Variants in NAV1 observed in about 807,000 individuals in gnomAD.
The protein encoded by NAV1 is pore membrane and/or filament interacting like protein 3.
Under a neutral mutation model 175.2 loss-of-function variants are expected in NAV1, and 18 were observed. The ratio of observed to expected loss-of-function variants is 0.10; its 90% confidence interval spans 0.07 to 0.15. The LOEUF is 0.15. Among genes scored for constraint, NAV1 ranks in the 10% least tolerant of loss-of-function variants. NAV1 has a pLI of 1.00. For synonymous variants in NAV1, 897 were observed against 978.7 expected, an observed-to-expected ratio of 0.92 and a Z score of 1.56; for missense variants, 1,731 against 2,436.6, an observed-to-expected ratio of 0.71 and a Z score of 6.10.
At position 201,732,188 on chromosome 1, in the gene NAV1, C is replaced by T. The variant is rs1204829187; in HGVS notation, c.1226+13433C>T. Among the ~76,000 whole-genome samples the T allele has an allele frequency of 2.0e-5, 3 of 152,200 alleles. No individual in the cohort carries two copies. The South Asian group carries it at 6.2e-4, about 32-fold the overall frequency. On this transcript the variant is annotated intron_variant, in intron 3 of 29. Transcript: ENST00000367296. ...GCAGTGGCACAATCATGGTTCACTG[C>T]AGCCTTGACTTCTTGGGCCCAAGCA...
At chr1:201,577,234 A>T (rs2102185249) in intron 1 of NAV1, among the ~76,000 whole-genome samples, 1 of 151,996 alleles carries the variant, frequency 6.6e-6, no homozygotes, top group South Asian at 2.1e-4. Context: ...ATTTTCTCCT[A>T]CTCTGTATGT....
intron 1 of NAV1, among the ~76,000 whole-genome samples, chr1:201,566,098 G>A (rs189226821): frequency 5.3e-5 from 8 of 152,216 alleles, no homozygotes; most frequent in Admixed American, 5.2e-4. Context: ...GGCTCCAGGG[G>A]CCTCCCCCAC....
At chr1:201,710,299 T>G (rs548707037) in intron 1 of NAV1, among the ~76,000 whole-genome samples, 103 of 152,284 alleles carry the variant, frequency 6.8e-4, no homozygotes, top group African/African-American at 2.3e-3. Context: ...CTTTGTTTTT[T>G]TTTTTGAAAC....
intron 1 of NAV1, among the ~76,000 whole-genome samples, chr1:201,665,394 G>A (rs1669781454): frequency 6.6e-6 from 1 of 152,190 alleles, no homozygotes; most frequent in Non-Finnish European, 1.5e-5. Flanking sequence ...GAATCCAGCA[G>A]CTGGCTTAGA....
chr1:201,576,027 C>T (rs887079128), intron 1 of NAV1, among the ~76,000 whole-genome samples: 1 of 152,178 alleles, frequency 6.6e-6, no homozygotes, highest in African/African-American at 2.4e-5. Context: ...CAGCTTCCCC[C>T]AGTGTTAACA....
chr1:201,615,087 T>A (rs757531574), intron 2 of NAV1, among the ~76,000 whole-genome samples: 3 of 152,076 alleles, frequency 2.0e-5, no homozygotes, highest in Non-Finnish European at 4.4e-5. Flanking sequence ...ATACATCATG[T>A]TCAGGGGCAG....
chr1:201,628,929 G>A (rs996719391), intron 1 of NAV1, among the ~76,000 whole-genome samples: 7 of 152,092 alleles, frequency 4.6e-5, no homozygotes, highest in Admixed American at 3.3e-4. Flanking sequence ...CCTGGACTAC[G>A]AGCAAGCCCA....
intron 1 of NAV1, among the ~76,000 whole-genome samples, chr1:201,546,170 T>C (rs956532687): frequency 6.6e-6 from 1 of 152,232 alleles, no homozygotes; most frequent in Non-Finnish European, 1.5e-5. Flanking sequence ...CCATTCTGTA[T>C]GGCCCCTCTG....
chr1:201,609,885 C>A (rs1667798123), intron 2 of NAV1, among the ~76,000 whole-genome samples: 1 of 152,096 alleles, frequency 6.6e-6, no homozygotes, highest in Non-Finnish European at 1.5e-5. Flanking sequence ...AGAGGGAAAC[C>A]TGGATGGAAC....
chr1:201,539,238 CTTTGT>C lies in NAV1; in HGVS notation c.-247_-243del, dbSNP rs995416486. Reference sequence around the variant, plus strand: ...AGGCGGCCTGGGGAGCCCCGGGAAACTTTGTGCTCGCGAGAAGCGGACCCCGCACC... The same window carrying C: ...AGGCGGCCTGGGGAGCCCCGGGAAACGCTCGCGAGAAGCGGACCCCGCACC... On this transcript the variant is annotated 5_prime_UTR_variant, in exon 1 of 34. Coordinates refer to the NAV1 transcript ENST00000685211. The surrounding 1 kb of genome is among the most constrained non-coding windows in gnomAD (Gnocchi z 5.6). Among the ~76,000 whole-genome samples the C allele has an allele frequency of 1.2e-4, 19 of 152,274 alleles. No individual in the cohort carries two copies. The highest frequency in any genetic ancestry group is 4.3e-4 in the African/African-American group (18 of 41,568).
intron 2 of NAV1, among the ~76,000 whole-genome samples, chr1:201,630,724 C>T (rs139535029): frequency 5.3e-5 from 8 of 152,276 alleles, no homozygotes; most frequent in Non-Finnish European, 7.4e-5. Context: ...GCAAGAGAAC[C>T]AGGGCATGGC....
At chr1:201,778,439 C>G (rs1676095454) in intron 3 of NAV1, among the ~76,000 whole-genome samples, 1 of 152,114 alleles carries the variant, frequency 6.6e-6, no homozygotes, top group Non-Finnish European at 1.5e-5. Context: ...GCTTGCTTGC[C>G]AAAGATCTTA....
intron 3 of NAV1, among the ~76,000 whole-genome samples, chr1:201,778,213 C>T (rs1676083376): frequency 1.3e-5 from 2 of 152,176 alleles, no homozygotes; most frequent in African/African-American, 4.8e-5. Flanking sequence ...AATCCCTCTC[C>T]TCCATTTCAG....
chr1:201,714,727 C>A (rs919706506), intron 2 of NAV1, among the ~76,000 whole-genome samples: 1 of 152,172 alleles, frequency 6.6e-6, no homozygotes, highest in African/African-American at 2.4e-5. Flanking sequence ...CTCTCAGCAC[C>A]AAGTCACCCA....
rs113630749 is a variant in NAV1 at position 201,684,754 on chromosome 1, C to T, written c.758-28063C>T. 7.0e-3 allele frequency among the ~76,000 whole-genome samples: 1,066 copies of T among 151,946 alleles called. 8 individuals carry two copies. The highest frequency in any genetic ancestry group is 0.025 in the African/African-American group (1,019 of 41,476). ...CCTCCCAAAGTGCTGGGATTACAGG[C>T]GTGAGCCACTGTGCCCAGCCTATGC... On this transcript the variant is annotated intron_variant, in intron 1 of 29. Coordinates refer to ENST00000367296, the Ensembl canonical transcript of NAV1.
At chr1:201,690,274 C>T (rs1240040681) in intron 1 of NAV1, among the ~76,000 whole-genome samples, 1 of 104,944 alleles carries the variant, frequency 9.5e-6, no homozygotes, top group African/African-American at 3.2e-5. Flanking sequence ...TATTTCCTCT[C>T]TGGCCTGTCT....
At chr1:201,744,304 G>GTATT (rs777203766) in intron 3 of NAV1, among the ~76,000 whole-genome samples, 4 of 131,426 alleles carry the variant, frequency 3.0e-5, no homozygotes, top group African/African-American at 1.3e-4. Flanking sequence ...TGACGGCTAT[G>GTATT]TATGTATGTA....
intron 1 of NAV1, among the ~76,000 whole-genome samples, chr1:201,541,817 C>A (rs547710359): frequency 6.6e-6 from 1 of 152,222 alleles, no homozygotes; most frequent in Admixed American, 6.5e-5. Context: ...CCTAATCTAG[C>A]CCCCTCCTGA....
At chr1:201,544,996 G>A (rs954467768) in intron 1 of NAV1, among the ~76,000 whole-genome samples, 1 of 152,194 alleles carries the variant, frequency 6.6e-6, no homozygotes, top group Non-Finnish European at 1.5e-5. Context: ...GAGCATTTAG[G>A]AAATATTGGC....
Sources: gnomAD v4.1 joint callset for allele counts (sites outside exome capture counted in the v4.1 genomes callset) on GRCh38, gnomAD v4.1.1 for gene constraint, Gnocchi (gnomAD v3.1) non-coding constraint, MANE v1.5 for transcripts, NCBI Gene and HGNC (gene_info 2026-07-23, HGNC 2026-07-21) for gene names.